PATJ: variants seen among roughly 807,000 people sequenced by gnomAD.
PATJ encodes the protein PATJ crumbs cell polarity complex component.
PATJ carries 190 observed loss-of-function variants against 224.9 expected under a neutral mutation model. The ratio of observed to expected loss-of-function variants is 0.84; its 90% confidence interval spans 0.75 to 0.95. PATJ has a LOEUF of 0.95. Among genes scored for constraint, PATJ ranks in the 40% least tolerant of loss-of-function variants. The pLI is 0.00. For missense variants in PATJ, 2,121 were observed against 2,270.3 expected (o/e 0.93, Z 1.34); for synonymous variants, 769 against 820.3 (o/e 0.94, Z 1.07).
chr1:61,808,267 G>C (rs1193752561), intron 13 of PATJ, among the ~76,000 whole-genome samples: 3 of 152,030 alleles, frequency 2.0e-5, no homozygotes, highest in African/African-American at 7.2e-5. Flanking sequence ...TAGGAAAAAA[G>C]ATTGTTGTGG....
At chr1:61,981,128 C>A (rs1173150514) in intron 27 of PATJ, among the ~76,000 whole-genome samples, 2 of 151,928 alleles carry the variant, frequency 1.3e-5, no homozygotes, top group Non-Finnish European at 2.9e-5. Flanking sequence ...GAGATAGTGT[C>A]CATGTTAGAT....
intron 30 of PATJ, among the ~76,000 whole-genome samples, chr1:62,045,634 A>G (rs1652394920): frequency 6.6e-6 from 1 of 152,128 alleles, no homozygotes; most frequent in Admixed American, 6.5e-5. Flanking sequence ...CTGGCTGAGC[A>G]GGCAGCTTTG....
intron 18 of PATJ, among the ~76,000 whole-genome samples, chr1:61,859,469 G>T (rs551443295): frequency 9.5e-4 from 145 of 152,016 alleles, no homozygotes; most frequent in African/African-American, 3.3e-3. Context: ...GGTCTTCTGG[G>T]AAAACTGCTC....
chr1:62,121,959 A>C lies in PATJ; in HGVS notation c.5005+664A>C, dbSNP rs368300085. Among the ~76,000 whole-genome samples, 143 of 106,436 alleles carry C rather than the reference A, an allele frequency of 1.3e-3. 1 individual carries two copies. The highest frequency in any genetic ancestry group is 6.1e-3 in the African/African-American group (138 of 22,650). 69.8% of individuals were successfully genotyped at this position (106,436 alleles called of 152,430 possible). On this transcript the variant is annotated intron_variant, in intron 38 of 43. Coordinates refer to ENST00000642238, the MANE Select transcript of PATJ (RefSeq NM_001350145.3). ...TGGGAAAATTGGGCCAGTTAAAAGA[A>C]AAAAAAAAGTGTGTATATCCTTGGG... is the stretch of plus-strand genomic sequence containing the variant.
intron 1 of PATJ, among the ~76,000 whole-genome samples, chr1:61,758,650 C>T (rs1434815997): frequency 6.6e-6 from 1 of 152,136 alleles, no homozygotes; most frequent in Non-Finnish European, 1.5e-5. Flanking sequence ...CCCGGCCCTA[C>T]TGTAGTTCTT....
chr1:62,035,357 T>C (rs965355761), intron 29 of PATJ, among the ~76,000 whole-genome samples: 7 of 152,212 alleles, frequency 4.6e-5, no homozygotes, highest in Admixed American at 3.9e-4. Flanking sequence ...CCAAAAAGCA[T>C]AGAGCTTGAA....
chr1:62,009,053 C>A (rs1646272068), intron 28 of PATJ, among the ~76,000 whole-genome samples: 1 of 152,140 alleles, frequency 6.6e-6, no homozygotes, highest in Non-Finnish European at 1.5e-5. Flanking sequence ...CTCTACCTCT[C>A]AATTTACTGG....
chr1:61,943,187 G>A (rs972778648), intron 27 of PATJ, among the ~76,000 whole-genome samples: 5 of 152,310 alleles, frequency 3.3e-5, no homozygotes, highest in Admixed American at 6.5e-5. Context: ...AGCTCCCAGC[G>A]TGAACAACGC....
At chr1:62,123,256 T>C (rs1213968507) in intron 39 of PATJ, among the ~76,000 whole-genome samples, 198 bp downstream of exon 39, 1 of 152,138 alleles carries the variant, frequency 6.6e-6, no homozygotes, top group East Asian at 1.9e-4. Flanking sequence ...ATGAATTTTT[T>C]GGCAAATCTC....
At position 61,753,939 on chromosome 1, in the gene PATJ, G is replaced by A. The variant is rs766556687; in HGVS notation, c.-35-8919G>A. Among the ~76,000 whole-genome samples the A allele has an allele frequency of 1.1e-4, 17 of 151,728 alleles. No homozygotes were observed. The East Asian group carries it at 1.4e-3, about 12-fold the overall frequency. ...ATTTCTATCTCTCTTCAAATACTCC[G>A]TTAATTGGCGTTGGCCTAGGCCTTG... On this transcript the variant is annotated intron_variant, in intron 1 of 43. Transcript: ENST00000642238.
chr1:61,924,591 G>A (rs1358769116), intron 26 of PATJ, among the ~76,000 whole-genome samples: 1 of 152,112 alleles, frequency 6.6e-6, no homozygotes, highest in East Asian at 1.9e-4. Flanking sequence ...ATTTAAAGTA[G>A]TATAACTTTA....
At position 61,990,218 on chromosome 1, in the gene PATJ, G is replaced by A; in HGVS notation, c.3721G>A (p.Glu1241Lys). 1 of 1,613,604 alleles carries A rather than the reference G, an allele frequency of 6.2e-7. No individual in the cohort carries two copies. The highest frequency in any genetic ancestry group is 8.5e-7 in the Non-Finnish European group (1 of 1,179,816). ...ADLPGELHII[E>K]LEKDKNGLGL... is the part of the protein sequence containing the mutation. ...TCTGCCTGGAGAACTGCACATTATT[G>A]AACTTGAAAAAGATAAGAATGGACT... is the stretch of plus-strand genomic sequence containing the variant. The change falls in exon 28 of 44, where the codon GAA becomes AAA. Residue 1241 changes from glutamate to lysine, a missense_variant. Glu to Lys is a moderately conservative substitution (Grantham distance 56). Transcript: ENST00000642238.
intron 27 of PATJ, among the ~76,000 whole-genome samples, chr1:61,979,384 G>A (rs546582885): frequency 6.6e-6 from 1 of 152,160 alleles, no homozygotes; most frequent in African/African-American, 2.4e-5. Context: ...GCCAGGCGCG[G>A]TGGTTCAGGC....
chr1:61,763,774 C>T (rs1362460951), intron 3 of PATJ, among the ~76,000 whole-genome samples: 1 of 152,078 alleles, frequency 6.6e-6, no homozygotes, highest in Non-Finnish European at 1.5e-5. Context: ...ATGTTCCCAC[C>T]TCAGCTTCCA....
chr1:61,838,189 A>G (rs1660490083), intron 17 of PATJ, among the ~76,000 whole-genome samples: 1 of 152,138 alleles, frequency 6.6e-6, no homozygotes, highest in African/African-American at 2.4e-5. Flanking sequence ...TTAGTCTCAA[A>G]TACGCCTAGC....
chr1:61,809,386 TC>T (rs377628946), intron 14 of PATJ, among the ~76,000 whole-genome samples: 1 of 148,406 alleles, frequency 6.7e-6, no homozygotes, highest in Admixed American at 6.8e-5. Flanking sequence ...GAATGTATTT[TC>T]TTTTTTTTTT....
At chr1:61,856,496 C>T (rs534793881) in intron 18 of PATJ, among the ~76,000 whole-genome samples, 1 of 152,188 alleles carries the variant, frequency 6.6e-6, no homozygotes, top group African/African-American at 2.4e-5. Context: ...GCTAATGTTG[C>T]TAGTTCTACT....
At chr1:61,841,443 G>A (rs952721989) in intron 17 of PATJ, among the ~76,000 whole-genome samples, 6 of 152,130 alleles carry the variant, frequency 3.9e-5, no homozygotes, top group African/African-American at 1.2e-4. Context: ...AGTATATAGA[G>A]TGGTAACACT....
chr1:61,880,865 G>A (rs111509286), intron 21 of PATJ, among the ~76,000 whole-genome samples: 3,605 of 152,270 alleles, frequency 0.024, 122 homozygotes, highest in East Asian at 0.1. Flanking sequence ...AGGCCAAGGC[G>A]GGCAGATCAC....
Sources: allele counts gnomAD v4.1 joint callset (sites outside exome capture counted in the v4.1 genomes callset), GRCh38; gene constraint gnomAD v4.1.1; transcripts MANE v1.5; gene names NCBI Gene and HGNC (gene_info 2026-07-23, HGNC 2026-07-21).